HSDL1: variants seen among roughly 807,000 people sequenced by gnomAD.
HSDL1 encodes the protein inactive hydroxysteroid dehydrogenase-like protein 1.
HSDL1 carries 29 observed loss-of-function variants against 31.5 expected under a neutral mutation model. That is an observed-to-expected ratio of 0.92 (90% confidence interval 0.69 to 1.26). The LOEUF is 1.26. Among genes scored for constraint, HSDL1 ranks in the 50% most tolerant of loss-of-function variants. The pLI, the probability that HSDL1 is intolerant of heterozygous loss-of-function variation, is 0.00. For synonymous variants in HSDL1, 222 were observed against 155.2 expected (o/e 1.43, Z -3.20); for missense variants, 503 against 416.6 (o/e 1.21, Z -1.81).
intron 1 of HSDL1, among the ~76,000 whole-genome samples, chr16:84,138,185 T>C (rs895977975): frequency 6.6e-6 from 1 of 152,220 alleles, no homozygotes; most frequent in African/African-American, 2.4e-5. Context: ...GCCTGCAACC[T>C]AGAGAAACCC....
chr16:84,142,761 C>A (rs1040213341), intron 1 of HSDL1, among the ~76,000 whole-genome samples: 1 of 152,160 alleles, frequency 6.6e-6, no homozygotes. Flanking sequence ...CTCCTCAGCA[C>A]CTGACATGCT....
chr16:84,135,751 A>G (rs2086706386), intron 1 of HSDL1, 146 bp from the exon 2 acceptor site: 1 of 152,280 alleles, frequency 6.6e-6, no homozygotes, highest in Non-Finnish European at 1.5e-5. Context: ...AGAGGCAGCA[A>G]ACCATGTACT....
chr16:84,129,546 A>G lies in HSDL1; in HGVS notation c.894+2T>C. On this transcript the variant is annotated splice_donor_variant, in intron 5 of 5. Transcript: ENST00000219439. LOFTEE classifies it high-confidence loss of function. ...ATTATGAGACCTGAAGCACACTCCT[A>G]CCTGAATAGAATGGGACCAATATCC... The G allele has an allele frequency of 6.2e-7, 1 of 1,604,088 alleles. No homozygotes were observed. Among genetic ancestry groups the G allele is most frequent in the South Asian group, 1.1e-5 (1 of 90,896 alleles).
In HSDL1 at chr16:84,131,175, C is replaced by T. The variant is rs374310674; in HGVS notation, c.147G>A (p.Arg49=). The T allele has an allele frequency of 6.2e-7, 1 of 1,614,080 alleles. No individual in the cohort carries two copies. The highest frequency in any genetic ancestry group is 8.5e-7 in the Non-Finnish European group (1 of 1,180,048). ...TCCCCAGGCGGGGGATAAAATGCAG[C>T]CTGATCAGGCTGTAAAAGTCACAGA... ...TVICDFYSLI[R]LHFIPRLGSR... is the part of the protein sequence containing the mutation. Residue 49 remains arginine (R), a synonymous_variant, in exon 3 of 6, where the codon AGG becomes AGA. Transcript: ENST00000219439.
chr16:84,137,373 G>A (rs2086722472), intron 1 of HSDL1, among the ~76,000 whole-genome samples: 1 of 152,248 alleles, frequency 6.6e-6, no homozygotes, highest in Non-Finnish European at 1.5e-5. Flanking sequence ...CGCCCCATGT[G>A]TGCAGGCGCA....
At chr16:84,144,319 C>G (rs2086812860) in intron 1 of HSDL1, 1 of 152,298 alleles carries the variant, frequency 6.6e-6, no homozygotes, top group African/African-American at 2.4e-5. Flanking sequence ...TATAGCAAGG[C>G]GCAGAGTCCT....
At chr16:84,129,170 C>G (rs1028099461) in intron 5 of HSDL1, among the ~76,000 whole-genome samples, 1 of 151,860 alleles carries the variant, frequency 6.6e-6, no homozygotes, top group Non-Finnish European at 1.5e-5. Context: ...ATCATGAGGC[C>G]GGAGATCAAG....
intron 1 of HSDL1, among the ~76,000 whole-genome samples, chr16:84,135,984 G>A (rs2086708642): frequency 6.6e-6 from 1 of 152,264 alleles, no homozygotes; most frequent in Non-Finnish European, 1.5e-5. Flanking sequence ...AGCAGCCACA[G>A]CTGTCCTCGG....
At chr16:84,134,397 C>T (rs2086694447) in intron 2 of HSDL1, among the ~76,000 whole-genome samples, 1 of 152,040 alleles carries the variant, frequency 6.6e-6, no homozygotes, top group Non-Finnish European at 1.5e-5. Flanking sequence ...CCGAGGTGGG[C>T]AGATCACTTG....
At chr16:84,140,321 A>G (rs759106279) in intron 1 of HSDL1, among the ~76,000 whole-genome samples, 1 of 152,136 alleles carries the variant, frequency 6.6e-6, no homozygotes, top group Admixed American at 6.5e-5. Context: ...CTGGAGTGCA[A>G]TGGTGCAATT....
At chr16:84,138,640 T>A (rs936202217) in intron 1 of HSDL1, among the ~76,000 whole-genome samples, 2 of 152,212 alleles carry the variant, frequency 1.3e-5, no homozygotes, top group Admixed American at 6.5e-5. Flanking sequence ...TAAAATAATT[T>A]AAAAAAATTT....
chr16:84,133,159 G>A (rs745937830), intron 2 of HSDL1, among the ~76,000 whole-genome samples: 3 of 151,310 alleles, frequency 2.0e-5, no homozygotes, highest in Admixed American at 6.6e-5. Flanking sequence ...CCACTGAAAC[G>A]GAACACATAC....
chr16:84,143,738 T>C (rs1433537697), intron 1 of HSDL1, among the ~76,000 whole-genome samples: 2 of 151,876 alleles, frequency 1.3e-5, no homozygotes, highest in Non-Finnish European at 2.9e-5. Flanking sequence ...GGCTCATGTC[T>C]GTAACCCCAG....
intron 3 of HSDL1, among the ~76,000 whole-genome samples, chr16:84,130,735 G>A (rs1052563190): frequency 2.0e-5 from 3 of 152,204 alleles, no homozygotes; most frequent in African/African-American, 7.2e-5. Flanking sequence ...GGCAGGAGGT[G>A]CTTTTCTGGG....
chr16:84,131,048 G>C (rs538628505), intron 3 of HSDL1, 54 bp downstream of exon 3: 1 of 1,397,116 alleles, frequency 7.2e-7, no homozygotes, highest in Non-Finnish European at 1.0e-6. Context: ...ATAGCTCCTT[G>C]AATAATGCAT....
chr16:84,129,441 G>T, intron 5 of HSDL1, 107 bp downstream of exon 5: 1 of 827,220 alleles, frequency 1.2e-6, no homozygotes, highest in Non-Finnish European at 1.9e-6. Flanking sequence ...AGGCTTAAGA[G>T]TCAGAATTTA....
rs374813844 is a variant in HSDL1 at position 84,128,105 on chromosome 16, A to G, written c.894+1443T>C. On this transcript the variant is annotated intron_variant, in intron 5 of 5. Coordinates refer to ENST00000219439, the MANE Select transcript of HSDL1 (RefSeq NM_031463.5). ...GGAGTTCGAGACCAGCCTGACCAACATGGTGAAACTCCATCTCTACTAAAA... is the reference window on the plus strand; with the variant it reads ...GGAGTTCGAGACCAGCCTGACCAACGTGGTGAAACTCCATCTCTACTAAAA... 2.3e-4 allele frequency among the ~76,000 whole-genome samples: 35 copies of G among 151,508 alleles called. No individual in the cohort carries two copies. In the South Asian group the frequency reaches 7.1e-3, roughly 31 times the overall value.
intron 2 of HSDL1, 55 bp from the exon 3 acceptor site, chr16:84,131,382 T>C (rs1023996792): frequency 3.2e-5 from 40 of 1,251,744 alleles, no homozygotes; most frequent in Non-Finnish European, 4.6e-5. Flanking sequence ...TAAAGGAACA[T>C]ACACAGTCTG....
intron 1 of HSDL1, among the ~76,000 whole-genome samples, chr16:84,137,961 G>C (rs908204925): frequency 6.6e-6 from 1 of 150,984 alleles, no homozygotes; most frequent in Non-Finnish European, 1.5e-5. Context: ...CGGTCTGAGC[G>C]TTCCGCCCCA....
Sources: allele counts gnomAD v4.1 joint callset (sites outside exome capture counted in the v4.1 genomes callset), GRCh38; gene constraint gnomAD v4.1.1; transcripts MANE v1.5; gene names NCBI Gene and HGNC (gene_info 2026-07-23, HGNC 2026-07-21).